Variants in SLC6A5 observed in about 807,000 individuals in gnomAD.
SLC6A5 encodes solute carrier family 6 member 5.
Under a neutral mutation model 90.5 loss-of-function variants are expected in SLC6A5, and 58 were observed. The ratio of observed to expected loss-of-function variants is 0.64; its 90% confidence interval spans 0.52 to 0.80. The LOEUF (loss-of-function observed/expected upper bound fraction) is 0.80. SLC6A5 is among the 30% of genes least tolerant of loss of function. SLC6A5 has a pLI of 0.00. For synonymous variants in SLC6A5, 427 were observed against 401.4 expected, an observed-to-expected ratio of 1.06 and a Z score of -0.76; for missense variants, 1,015 against 1,017.6, an observed-to-expected ratio of 1.00 and a Z score of 0.03.
In SLC6A5 at chr11:20,606,462, G is replaced by A. The variant is rs78393120; in HGVS notation, c.680-545G>A. Among the ~76,000 whole-genome samples, 981 of 152,294 alleles carry A rather than the reference G, an allele frequency of 6.4e-3. 11 individuals carry two copies. Among genetic ancestry groups the A allele is most frequent in the African/African-American group, 0.023 (947 of 41,560 alleles). On this transcript the variant is annotated intron_variant, in intron 3 of 15. Coordinates refer to ENST00000525748, the MANE Select transcript of SLC6A5 (RefSeq NM_004211.5). ...CGTTGAGAAGTGTGTGATGGGGATGGAGATGGGTTTAGGAAGAAGGATGGG... is the reference window on the plus strand; with the variant it reads ...CGTTGAGAAGTGTGTGATGGGGATGAAGATGGGTTTAGGAAGAAGGATGGG...
At chr11:20,604,677 C>G (rs1186025515) in intron 3 of SLC6A5, among the ~76,000 whole-genome samples, 1 of 152,192 alleles carries the variant, frequency 6.6e-6, no homozygotes, top group Admixed American at 6.5e-5. Flanking sequence ...CAAACCCCCA[C>G]TGACCCAGTT....
At chr11:20,629,911 C>T (rs562193533) in intron 9 of SLC6A5, among the ~76,000 whole-genome samples, 14 of 151,906 alleles carry the variant, frequency 9.2e-5, no homozygotes, top group Non-Finnish European at 1.6e-4. Context: ...TGGGTAGACA[C>T]GGGGTTTCAC....
chr11:20,616,300 G>A (rs537001454), intron 6 of SLC6A5, among the ~76,000 whole-genome samples: 1 of 152,312 alleles, frequency 6.6e-6, no homozygotes, highest in East Asian at 1.9e-4. Flanking sequence ...TGAGCACTGA[G>A]CAACTGAGTC....
At position 20,658,116 on chromosome 11, in the gene SLC6A5, T is replaced by C. The variant is rs548715407; in HGVS notation, c.*3248T>C. ...AAATGGATAGGACTTGGGTTGTTTTTATGGTAATGTTGCATTGGAGTTGAG... is the reference window on the plus strand; with the variant it reads ...AAATGGATAGGACTTGGGTTGTTTTCATGGTAATGTTGCATTGGAGTTGAG... On this transcript the variant is annotated 3_prime_UTR_variant, in exon 16 of 16. Coordinates refer to ENST00000525748, the MANE Select transcript of SLC6A5 (RefSeq NM_004211.5). 12 of 152,318 alleles carry C rather than the reference T, an allele frequency of 7.9e-5. No homozygotes were observed. The South Asian group carries it at 2.5e-3, about 32-fold the overall frequency. 9.4% of individuals were successfully genotyped at this position (152,318 alleles called of 1,614,324 possible).
At chr11:20,607,840 C>T (rs1852614562) in intron 5 of SLC6A5, among the ~76,000 whole-genome samples, 188 bp downstream of exon 5, 2 of 152,144 alleles carry the variant, frequency 1.3e-5, no homozygotes, top group Admixed American at 6.5e-5. Flanking sequence ...CAGAGGAAAG[C>T]TTAATCAAAT....
intron 3 of SLC6A5, among the ~76,000 whole-genome samples, 196 bp downstream of exon 3, chr11:20,604,620 C>T (rs190746094): frequency 9.7e-4 from 147 of 152,250 alleles, no homozygotes; most frequent in Admixed American, 9.3e-3. Context: ...CATTAGATCC[C>T]GGAGTATCTT....
At chr11:20,607,195 G>T (rs978801482) in intron 4 of SLC6A5, 57 bp downstream of exon 4, 2 of 1,563,404 alleles carry the variant, frequency 1.3e-6, no homozygotes, top group African/African-American at 1.4e-5. Context: ...GTCCCCTCTG[G>T]CACCATGCAG....
intron 9 of SLC6A5, among the ~76,000 whole-genome samples, chr11:20,630,063 T>TAA (rs1490760009): frequency 2.0e-5 from 3 of 152,220 alleles, no homozygotes; most frequent in Non-Finnish European, 4.4e-5. Flanking sequence ...TGCTATAGAA[T>TAA]ACTAGAGTTT....
rs1019810452 is a variant in SLC6A5 at position 20,604,408 on chromosome 11, C to G, written c.663C>G (p.Ala221=). The G allele has an allele frequency of 1.2e-6, 2 of 1,613,786 alleles. No individual in the cohort carries two copies. The highest frequency in any genetic ancestry group is 2.7e-5 in the African/African-American group (2 of 74,932). ...ATGTCTGGAGGTTTCCCTACCTGGC[C>G]TTCCAGAACGGGGGAGGTATGGCTT... The part of the protein sequence containing the change: ...LGNVWRFPYL[A]FQNGGGAFLI... The change falls in exon 3 of 16, where the codon GCC becomes GCG. Residue 221 remains alanine, a synonymous_variant. Transcript: ENST00000525748.
At chr11:20,613,348 T>C in intron 5 of SLC6A5, among the ~76,000 whole-genome samples, 1 of 152,242 alleles carries the variant, frequency 6.6e-6, no homozygotes, top group Admixed American at 6.5e-5. Flanking sequence ...ATGTGCTCCT[T>C]TGCAAAATAA....
chr11:20,635,123 A>G (rs933646878), intron 10 of SLC6A5, among the ~76,000 whole-genome samples: 3 of 152,140 alleles, frequency 2.0e-5, no homozygotes, highest in Admixed American at 1.3e-4. Flanking sequence ...TTCCAAGTTC[A>G]TAGTCCACTC....
chr11:20,613,707 G>C (rs1313620147), intron 5 of SLC6A5, among the ~76,000 whole-genome samples: 3 of 137,096 alleles, frequency 2.2e-5, no homozygotes, highest in African/African-American at 8.1e-5. Context: ...CACCCAGGCT[G>C]GGAATGCAGT....
At chr11:20,645,793 G>A (rs978413337) in intron 13 of SLC6A5, among the ~76,000 whole-genome samples, 5 of 152,004 alleles carry the variant, frequency 3.3e-5, no homozygotes, top group South Asian at 2.1e-4. Context: ...CGCCCGCCAC[G>A]ATGCCCAGCT....
chr11:20,649,432 G>A (rs1853481837), intron 14 of SLC6A5, among the ~76,000 whole-genome samples: 2 of 152,156 alleles, frequency 1.3e-5, no homozygotes, highest in African/African-American at 4.8e-5. Flanking sequence ...TCCCAGCCAA[G>A]GACAGGGTTT....
chr11:20,647,884 GA>G (rs1853451332), intron 14 of SLC6A5, among the ~76,000 whole-genome samples: 1 of 152,162 alleles, frequency 6.6e-6, no homozygotes. Flanking sequence ...TTGCTTTTGA[GA>G]ACTACCTTGT....
intron 4 of SLC6A5, 150 bp from the exon 5 acceptor site, chr11:20,607,329 C>G: frequency 8.6e-7 from 1 of 1,165,644 alleles, no homozygotes; most frequent in Non-Finnish European, 1.3e-6. Context: ...AGAATGCCTT[C>G]ATATCCCTGG....
chr11:20,614,148 G>C lies in SLC6A5; in HGVS notation c.986-531G>C, dbSNP rs114395537. ...TGTGGTGCCAGGCAGTGGGTCCAAG[G>C]TGAACTTCTTAGAAAGCCTTCTGTA... On this transcript the variant is annotated intron_variant, in intron 5 of 15. Transcript: ENST00000525748. 5.0e-3 allele frequency among the ~76,000 whole-genome samples: 762 copies of C among 152,218 alleles called. 5 individuals carry two copies. The highest frequency in any genetic ancestry group is 0.017 in the African/African-American group (716 of 41,530).
intron 10 of SLC6A5, among the ~76,000 whole-genome samples, chr11:20,632,490 C>G (rs1853126771): frequency 6.6e-6 from 1 of 152,074 alleles, no homozygotes; most frequent in African/African-American, 2.4e-5. Context: ...AATGTTTTTT[C>G]ACTTCCTTTG....
At chr11:20,609,858 G>A (rs907302014) in intron 5 of SLC6A5, among the ~76,000 whole-genome samples, 3 of 152,150 alleles carry the variant, frequency 2.0e-5, no homozygotes, top group Admixed American at 6.5e-5. Context: ...GAGAGGCAGC[G>A]TTTGCCACAT....
Sources: allele counts gnomAD v4.1 joint callset (sites outside exome capture counted in the v4.1 genomes callset), GRCh38; gene constraint gnomAD v4.1.1; transcripts MANE v1.5; gene names NCBI Gene and HGNC (gene_info 2026-07-23, HGNC 2026-07-21).